NEK9: variants seen among roughly 807,000 people sequenced by gnomAD.
The protein encoded by NEK9 is serine/threonine-protein kinase Nek9.
Under a neutral mutation model 123.4 loss-of-function variants are expected in NEK9, and 75 were observed. That is an observed-to-expected ratio of 0.61 (90% confidence interval 0.50 to 0.74). NEK9 has a LOEUF of 0.74. NEK9 is among the 30% of genes least tolerant of loss of function. The pLI, the probability that NEK9 is intolerant of heterozygous loss-of-function variation, is 0.00. For synonymous variants in NEK9, 438 were observed against 458.7 expected (o/e 0.95, Z 0.58); for missense variants, 952 against 1,214.4 (o/e 0.78, Z 3.21).
chr14:75,091,297 G>T lies in NEK9; in HGVS notation c.2415C>A (p.Ser805Arg), dbSNP rs1894207109. ...TTCGAAGCCAGCCAGGACAGGAGCT[G>T]CTGGCCCCATTACTGTTCCCCATGG... Reference protein sequence around the residue: ...TEAMGNSNGASSSCPGWLRKE... With the variant: ...TEAMGNSNGARSSCPGWLRKE... Residue 805 changes from serine to arginine, a missense_variant, in exon 19 of 22, where the codon AGC becomes AGA. Around this residue, in one of 4 missense-constraint regions of NEK9, gnomAD observed 698 missense variants for 875.6 expected, o/e 0.80. Coordinates refer to ENST00000238616, the MANE Select transcript of NEK9 (RefSeq NM_033116.6). The T allele has an allele frequency of 6.2e-7, 1 of 1,612,698 alleles. No homozygotes were observed. The highest frequency in any genetic ancestry group is 1.3e-5 in the African/African-American group (1 of 74,804).
At chr14:75,097,852 G>C (rs185647939) in intron 16 of NEK9, among the ~76,000 whole-genome samples, 220 of 152,236 alleles carry the variant, frequency 1.4e-3, no homozygotes, top group African/African-American at 5.1e-3. Context: ...AACAGCAAAA[G>C]TAATGTCAGC....
At chr14:75,117,154 C>T (rs1895169522) in intron 6 of NEK9, 41 bp downstream of exon 6, 1 of 1,594,694 alleles carries the variant, frequency 6.3e-7, no homozygotes, top group Non-Finnish European at 8.5e-7. Flanking sequence ...GTACCATTTG[C>T]AACCTGCTAA....
chr14:75,103,699 T>C (rs533146857), intron 14 of NEK9, 143 bp downstream of exon 14: 1 of 834,126 alleles, frequency 1.2e-6, no homozygotes, highest in Admixed American at 2.9e-5. Flanking sequence ...TCTTTGTGGC[T>C]GGCTTCTTTT....
chr14:75,079,423 C>T lies in NEK9; in HGVS notation c.*5141G>A, dbSNP rs980885666. On this transcript the variant is annotated 3_prime_UTR_variant, in exon 22 of 22. Transcript: ENST00000238616. ...CATAATAAAGCTTTATGGTTAGCCC[C>T]TTAAGGAAACCTCACACAGAGATAA... The T allele has an allele frequency of 1.3e-5, 2 of 152,122 alleles. No individual in the cohort carries two copies. Among genetic ancestry groups the T allele is most frequent in the African/African-American group, 4.8e-5 (2 of 41,422 alleles). The allele number at this position is 152,122 out of a possible 1,614,324, so 9.4% of individuals were successfully genotyped here. A position where few individuals can be genotyped will look rare whatever the true frequency, so the allele number is the denominator to read the frequency against.
At chr14:75,093,827 T>C (rs1393180143) in intron 18 of NEK9, among the ~76,000 whole-genome samples, 2 of 152,202 alleles carry the variant, frequency 1.3e-5, no homozygotes, top group Non-Finnish European at 2.9e-5. Context: ...TTTCACATTA[T>C]GGAAATATTT....
Position 75,084,287 on chromosome 14 carries a change from A to G in NEK9, c.*277T>C. 2.7e-6 allele frequency: 1 copy of G among 373,474 alleles called. No homozygotes were observed. Among genetic ancestry groups the G allele is most frequent in the South Asian group, 3.6e-5 (1 of 27,580 alleles). The allele number at this position is 373,474 out of a possible 1,614,324, so 23.1% of individuals were successfully genotyped here. On this transcript the variant is annotated 3_prime_UTR_variant, in exon 22 of 22. Transcript: ENST00000238616. ...TCTCCTCTTCAAAGGTGGGATCAAC[A>G]GATGAGGTACAGAGCTGCTGTTGCT...
chr14:75,084,418 T>G lies in NEK9; in HGVS notation c.*146A>C. 2.2e-6 allele frequency: 2 copies of G among 900,016 alleles called. No homozygotes were observed. Among genetic ancestry groups the G allele is most frequent in the South Asian group, 3.2e-5 (2 of 62,442 alleles). The allele number at this position is 900,016 out of a possible 1,614,324, so 55.8% of individuals were successfully genotyped here. A position where few individuals can be genotyped will look rare whatever the true frequency, so the allele number is the denominator to read the frequency against. On this transcript the variant is annotated 3_prime_UTR_variant, in exon 22 of 22. Transcript: ENST00000238616. ...CTAAAAGGCAATGCCACTCTCCAAA[T>G]GTACAAGGAAAGTGCTTCAGAGCCT...
In NEK9 at chr14:75,106,520, A is replaced by C. The variant is rs1045074234; in HGVS notation, c.1510T>G (p.Trp504Gly). 1.2e-6 allele frequency: 2 copies of C among 1,614,074 alleles called. No homozygotes were observed. Among genetic ancestry groups the C allele is most frequent in the Non-Finnish European group, 1.7e-6 (2 of 1,179,998 alleles). ...VLTRNKEVYS[W>G]GCGEYGRLGL... Reference sequence around the variant, plus strand: ...CCCCTACCATATTCGCCACAGCCCCAAGAATAGACTTCCTTGTTTCGTGTC... The same window carrying C: ...CCCCTACCATATTCGCCACAGCCCCCAGAATAGACTTCCTTGTTTCGTGTC... Residue 504 changes from tryptophan (W) to glycine (G), a missense_variant, in exon 12 of 22, where the codon TGG (tryptophan) becomes GGG (glycine). This residue lies in a region of NEK9 where 698 missense variants were observed against 875.6 expected (regional missense o/e 0.80). Coordinates refer to ENST00000238616, the MANE Select transcript of NEK9 (RefSeq NM_033116.6).
In NEK9 at chr14:75,084,418, T is replaced by C. The variant is rs905668663; in HGVS notation, c.*146A>G. ...CTAAAAGGCAATGCCACTCTCCAAA[T>C]GTACAAGGAAAGTGCTTCAGAGCCT... is the stretch of plus-strand genomic sequence containing the variant. On this transcript the variant is annotated 3_prime_UTR_variant, in exon 22 of 22. Transcript: ENST00000238616. 35 of 899,898 alleles carry C rather than the reference T, an allele frequency of 3.9e-5. No homozygotes were observed. The East Asian group carries it at 8.4e-4, about 21-fold the overall frequency. 55.7% of individuals were successfully genotyped at this position (899,898 alleles called of 1,614,324 possible).
intron 14 of NEK9, among the ~76,000 whole-genome samples, chr14:75,102,512 T>TG (rs1389976650): frequency 6.3e-5 from 7 of 111,748 alleles, no homozygotes; most frequent in East Asian, 6.8e-4. Context: ...CACACCTGGC[T>TG]GTTTTTTTTT....
chr14:75,108,593 C>T (rs190709729), intron 10 of NEK9, among the ~76,000 whole-genome samples: 2,684 of 151,266 alleles, frequency 0.018, 32 homozygotes, highest in Middle Eastern at 0.027. Flanking sequence ...CTTGCTCTGT[C>T]ACTCAGGCTG....
At chr14:75,099,739 G>T (rs531149982) in intron 16 of NEK9, among the ~76,000 whole-genome samples, 2 of 142,598 alleles carry the variant, frequency 1.4e-5, no homozygotes, top group Admixed American at 1.4e-4. Flanking sequence ...CTGAGATCGC[G>T]CCACTGCACT....
intron 21 of NEK9, among the ~76,000 whole-genome samples, chr14:75,086,113 C>G (rs1030694569): frequency 1.3e-5 from 2 of 151,260 alleles, no homozygotes; most frequent in Non-Finnish European, 2.9e-5. Context: ...CACTTGAACC[C>G]GGGCGGTGGA....
Position 75,109,760 on chromosome 14 carries a change from A to G in NEK9, c.1107T>C (p.Cys369=), listed in dbSNP as rs774151434. 1 of 1,613,608 alleles carries G rather than the reference A, an allele frequency of 6.2e-7. No individual in the cohort carries two copies. The highest frequency in any genetic ancestry group is 1.3e-5 in the African/African-American group (1 of 74,906). The part of the protein sequence containing the change: ...PQKLDVIKSG[C]SARQVCAGNT... Reference sequence around the variant, plus strand: ...TCCCTGCACAGACCTGCCGGGCACTACAGCCACTCTTGATAACATCCAGTT... The same window carrying G: ...TCCCTGCACAGACCTGCCGGGCACTGCAGCCACTCTTGATAACATCCAGTT... Residue 369 remains cysteine, a synonymous_variant, in exon 10 of 22, where the codon TGT becomes TGC. Transcript: ENST00000238616.
At chr14:75,122,009 CTCTT>C (rs1319458755) in intron 2 of NEK9, among the ~76,000 whole-genome samples, 1 of 152,240 alleles carries the variant, frequency 6.6e-6, no homozygotes, top group Non-Finnish European at 1.5e-5. Context: ...TATCATTACT[CTCTT>C]TACTAATTTC....
chr14:75,091,257 C>T lies in NEK9; in HGVS notation c.2442+13G>A, dbSNP rs759596645. On this transcript the variant is annotated intron_variant, in intron 19 of 21. Transcript: ENST00000238616. ...ACATATTTTATCCAAGTTACTTCTT[C>T]CAAAGGAATTACCTTTCGAAGCCAG... 14 of 1,598,326 alleles carry T rather than the reference C, an allele frequency of 8.8e-6. No homozygotes were observed. The highest frequency in any genetic ancestry group is 5.3e-5 in the Admixed American group (3 of 56,626).
intron 14 of NEK9, among the ~76,000 whole-genome samples, chr14:75,103,564 G>T (rs1358947476): frequency 6.6e-6 from 1 of 152,024 alleles, no homozygotes; most frequent in Non-Finnish European, 1.5e-5. Flanking sequence ...ATTACTCTAG[G>T]ATCCCTTCCA....
intron 18 of NEK9, among the ~76,000 whole-genome samples, chr14:75,094,481 A>G (rs1210633137): frequency 6.6e-6 from 1 of 152,130 alleles, no homozygotes; most frequent in African/African-American, 2.4e-5. Context: ...CTGGGTGTTT[A>G]TGTGTTTTGA....
chr14:75,085,219 G>T, intron 21 of NEK9: 1 of 154,526 alleles, frequency 6.5e-6, no homozygotes, highest in South Asian at 2.0e-4. Flanking sequence ...TGCCCAGGCT[G>T]GTCTTGAACT....
Sources: allele counts gnomAD v4.1 joint callset (sites outside exome capture counted in the v4.1 genomes callset), GRCh38; gene constraint gnomAD v4.1.1; regional missense constraint gnomAD v4.1.1; transcripts MANE v1.5; gene names NCBI Gene and HGNC (gene_info 2026-07-23, HGNC 2026-07-21).